Variants in KIAA0319L observed in about 807,000 individuals in gnomAD.
KIAA0319L encodes the protein KIAA0319 like.
KIAA0319L carries 55 observed loss-of-function variants against 120.1 expected under a neutral mutation model. That is an observed-to-expected ratio of 0.46 (90% confidence interval 0.37 to 0.57). The LOEUF is 0.57. KIAA0319L is among the 20% of genes least tolerant of loss of function. The probability of loss-of-function intolerance (pLI) is 0.00; values close to 1 mark genes in which losing one functional copy is unlikely to be tolerated. For missense variants in KIAA0319L, 1,049 were observed against 1,255.3 expected, an observed-to-expected ratio of 0.84 and a Z score of 2.48; for synonymous variants, 398 against 471.9, an observed-to-expected ratio of 0.84 and a Z score of 2.03.
chr1:35,474,765 A>G, intron 5 of KIAA0319L, 40 bp downstream of exon 5: 1 of 1,300,514 alleles, frequency 7.7e-7, no homozygotes, highest in Non-Finnish European at 1.1e-6. Flanking sequence ...ATCTCTTTCA[A>G]AAACAAAAAA....
intron 20 of KIAA0319L, chr1:35,435,300 C>T (rs1640695951): frequency 1.9e-6 from 1 of 534,940 alleles, no homozygotes; most frequent in Admixed American, 3.3e-5. Flanking sequence ...CGGATGAGAG[C>T]ACACCTGGGG....
chr1:35,449,972 G>C lies in KIAA0319L; in HGVS notation c.2248C>G (p.Leu750Val), dbSNP rs1426297965. The change falls in exon 15 of 21, where the codon CTT (leucine) becomes GTT (valine). Residue 750 changes from leucine to valine, a missense_variant. Transcript: ENST00000325722. The stretch of plus-strand genomic sequence containing the variant: ...CCCTCAACCAGGTTTGAAAGAAAAA[G>C]GATAGGGTGATGGTCAGAGTGATTT... ...VLNHSDHHPI[L>V]FLSNLVEGTY... 1 of 1,614,174 alleles carries C rather than the reference G, an allele frequency of 6.2e-7. No individual in the cohort carries two copies. Among genetic ancestry groups the C allele is most frequent in the Non-Finnish European group, 8.5e-7 (1 of 1,180,018 alleles).
Position 35,437,367 on chromosome 1 carries a change from G to A in KIAA0319L, c.2963-2286C>T, listed in dbSNP as rs566761740. On this transcript the variant is annotated intron_variant, in intron 20 of 20. Coordinates refer to ENST00000325722, the MANE Select transcript of KIAA0319L (RefSeq NM_024874.5). This position sits in a 1 kb window ranked among gnomAD's most constrained non-coding sequence, Gnocchi z 4.1. The stretch of plus-strand genomic sequence containing the variant: ...CTCAGTCAGGAAGCACCTCTCCAAC[G>A]CACCACTCCTCTACCTGCATTCGAC... 3.9e-5 allele frequency among the ~76,000 whole-genome samples: 6 copies of A among 151,912 alleles called. No individual in the cohort carries two copies. In the South Asian group the frequency reaches 8.3e-4, roughly 21 times the overall value.
At position 35,500,309 on chromosome 1, in the gene KIAA0319L, A is replaced by G. The variant is rs1193531283; in HGVS notation, c.666+6303T>C. Reference sequence around the variant, plus strand: ...ACACAATTAATTGGCTGAACTGCTTATACTGTACACGTTCCAGGACCCAAT... The same window carrying G: ...ACACAATTAATTGGCTGAACTGCTTGTACTGTACACGTTCCAGGACCCAAT... On this transcript the variant is annotated intron_variant, in intron 3 of 20. Coordinates refer to ENST00000325722, the MANE Select transcript of KIAA0319L (RefSeq NM_024874.5). 3.9e-5 allele frequency among the ~76,000 whole-genome samples: 6 copies of G among 152,212 alleles called. No homozygotes were observed. The East Asian group carries it at 9.6e-4, about 24-fold the overall frequency.
intron 3 of KIAA0319L, among the ~76,000 whole-genome samples, chr1:35,481,050 T>C (rs1644142899): frequency 6.6e-6 from 1 of 152,222 alleles, no homozygotes; most frequent in African/African-American, 2.4e-5. Context: ...AGGAAGCATA[T>C]ACATACTATT....
chr1:35,531,842 A>G (rs961530099), intron 2 of KIAA0319L, among the ~76,000 whole-genome samples: 3 of 152,162 alleles, frequency 2.0e-5, no homozygotes, highest in African/African-American at 7.2e-5. Flanking sequence ...ATCTTCGACA[A>G]TGACTACAAG....
chr1:35,469,646 A>C (rs913901435), intron 6 of KIAA0319L, among the ~76,000 whole-genome samples: 3 of 151,514 alleles, frequency 2.0e-5, no homozygotes, highest in African/African-American at 7.3e-5. Context: ...CACTCTAAGA[A>C]ATCCACTCTA....
intron 2 of KIAA0319L, chr1:35,510,249 G>A (rs561577693): frequency 9.9e-5 from 15 of 152,068 alleles, no homozygotes; most frequent in African/African-American, 3.4e-4. Context: ...TCACACAGGC[G>A]AGCAACTTTA....
intron 2 of KIAA0319L, among the ~76,000 whole-genome samples, chr1:35,509,518 C>G (rs187782723): frequency 6.6e-6 from 1 of 152,196 alleles, no homozygotes; most frequent in Non-Finnish European, 1.5e-5. Context: ...TGGAGCAATA[C>G]GGCTGCAAGC....
At chr1:35,535,866 T>C (rs1028451133) in intron 2 of KIAA0319L, among the ~76,000 whole-genome samples, 8 of 152,096 alleles carry the variant, frequency 5.3e-5, no homozygotes, top group Admixed American at 4.6e-4. Flanking sequence ...AGTGCTGGGG[T>C]TGTATATTGT....
At chr1:35,486,379 A>AG (rs60376535) in intron 3 of KIAA0319L, among the ~76,000 whole-genome samples, 5,027 of 121,862 alleles carry the variant, frequency 0.041, 174 homozygotes, top group African/African-American at 0.14. Context: ...GTCTCAAGAA[A>AG]AAAAAAAAAA....
chr1:35,532,909 C>T (rs1169025475), intron 2 of KIAA0319L, among the ~76,000 whole-genome samples: 1 of 152,164 alleles, frequency 6.6e-6, no homozygotes, highest in Non-Finnish European at 1.5e-5. Context: ...GAAAGCAGTG[C>T]TCCCATATGT....
intron 2 of KIAA0319L, chr1:35,510,033 G>A (rs1162710055): frequency 6.6e-6 from 1 of 152,564 alleles, no homozygotes; most frequent in Non-Finnish European, 1.5e-5. Flanking sequence ...ATGATAGAAA[G>A]AGGCCTGGAT....
chr1:35,455,863 G>C lies in KIAA0319L; in HGVS notation c.1656+150C>G. ...CAAAGTGCTGGGATTACAGGCGTGAGCCACCATACCCGGCCAAGATAAAGA... is the reference window on the plus strand; with the variant it reads ...CAAAGTGCTGGGATTACAGGCGTGACCCACCATACCCGGCCAAGATAAAGA... On this transcript the variant is annotated intron_variant, in intron 10 of 20. Transcript: ENST00000325722. The C allele has an allele frequency of 4.5e-6, 3 of 667,070 alleles. No individual in the cohort carries two copies. The South Asian group carries it at 5.7e-5, about 13-fold the overall frequency. The allele number at this position is 667,070 out of a possible 1,614,324, so 41.3% of individuals were successfully genotyped here.
intron 2 of KIAA0319L, among the ~76,000 whole-genome samples, chr1:35,527,842 CTTTTTT>C (rs146256691): frequency 1.3e-5 from 2 of 151,062 alleles, no homozygotes; most frequent in South Asian, 2.1e-4. Flanking sequence ...CTTTTCATTT[CTTTTTT>C]TTTATTTCTT....
At chr1:35,544,368 CAAAAAAA>C (rs748228266) in intron 2 of KIAA0319L, among the ~76,000 whole-genome samples, 1 of 53,208 alleles carries the variant, frequency 1.9e-5, no homozygotes, top group African/African-American at 6.8e-5. Context: ...GACTCAATCT[CAAAAAAA>C]AAAAAAAAAA....
chr1:35,457,798 T>TA (rs1642590147), intron 9 of KIAA0319L, among the ~76,000 whole-genome samples: 1 of 152,200 alleles, frequency 6.6e-6, no homozygotes, highest in Admixed American at 6.5e-5. Flanking sequence ...TTTTTGGTAT[T>TA]ACAGCCTTTA....
intron 4 of KIAA0319L, among the ~76,000 whole-genome samples, chr1:35,477,522 C>T (rs1210778615): frequency 6.6e-6 from 1 of 152,024 alleles, no homozygotes; most frequent in African/African-American, 2.4e-5. Context: ...AAAAAATTAG[C>T]TGGGCGTGGT....
At chr1:35,495,001 T>C (rs960566209) in intron 3 of KIAA0319L, among the ~76,000 whole-genome samples, 1 of 152,102 alleles carries the variant, frequency 6.6e-6, no homozygotes, top group African/African-American at 2.4e-5. Context: ...TGGATATTCA[T>C]ATGCCAAAAA....
Sources: allele counts gnomAD v4.1 joint callset (sites outside exome capture counted in the v4.1 genomes callset), GRCh38; gene constraint gnomAD v4.1.1; non-coding constraint Gnocchi (gnomAD v3.1); transcripts MANE v1.5; gene names NCBI Gene and HGNC (gene_info 2026-07-23, HGNC 2026-07-21).